ZNF516: variants seen among roughly 807,000 people sequenced by gnomAD.
ZNF516 encodes the protein zinc finger protein 516.
ZNF516 carries 19 observed loss-of-function variants against 79.7 expected under a neutral mutation model. That is an observed-to-expected ratio of 0.24 (90% CI 0.17 to 0.35). The LOEUF is 0.35. Ranked by LOEUF, ZNF516 falls within the 10% of genes least tolerant of loss-of-function variation. ZNF516 has a pLI of 1.00. For synonymous variants in ZNF516, 877 were observed against 739.5 expected, an observed-to-expected ratio of 1.19 and a Z score of -3.02; for missense variants, 1,678 against 1,679.5, an observed-to-expected ratio of 1.00 and a Z score of 0.02.
chr18:76,491,655 A>ACAAGCGG, intron 1 of ZNF516: 1 of 688,056 alleles, frequency 1.5e-6, no homozygotes, highest in Non-Finnish European at 1.8e-6. Context: ...CAGCCCAGCA[A>ACAAGCGG]CAAGCGGCCA....
Position 76,442,569 on chromosome 18 carries a change from C to T in ZNF516, c.486G>A (p.Gly162=), listed in dbSNP as rs1186800959. 2 of 1,598,378 alleles carry T rather than the reference C, an allele frequency of 1.3e-6. No homozygotes were observed. The highest frequency in any genetic ancestry group is 1.7e-6 in the Non-Finnish European group (2 of 1,179,290). ...TGGCCTCCCCCGGGGCGCATGCGGA[C>T]CCCTCTGCCCCCTTCTTGCTGCTCC... ...LLRSSKKGAE[G]SACAPGEAKA... Residue 162 remains glycine, a synonymous_variant, in exon 3 of 7, where the codon GGG becomes GGA. Transcript: ENST00000443185.
intron 3 of ZNF516, among the ~76,000 whole-genome samples, chr18:76,425,342 C>T (rs1461787494): frequency 6.6e-6 from 1 of 152,160 alleles, no homozygotes; most frequent in Non-Finnish European, 1.5e-5. Flanking sequence ...TGGTGATTGG[C>T]CACGGATTTT....
At chr18:76,475,841 G>A (rs888332921) in intron 1 of ZNF516, among the ~76,000 whole-genome samples, 1 of 152,122 alleles carries the variant, frequency 6.6e-6, no homozygotes, top group Non-Finnish European at 1.5e-5. Flanking sequence ...ACAGAACATT[G>A]TACCATTTTA....
At chr18:76,410,315 T>A (rs2075359189) in intron 3 of ZNF516, among the ~76,000 whole-genome samples, 1 of 152,188 alleles carries the variant, frequency 6.6e-6, no homozygotes, top group East Asian at 1.9e-4. Context: ...AGCTTCCTGA[T>A]TCTCGGGTCA....
chr18:76,408,884 G>C (rs2075335950), intron 3 of ZNF516, among the ~76,000 whole-genome samples: 1 of 152,158 alleles, frequency 6.6e-6, no homozygotes, highest in Non-Finnish European at 1.5e-5. Flanking sequence ...CATGAAGCTG[G>C]GCTCAGGACA....
At chr18:76,401,553 C>T (rs1033710313) in intron 3 of ZNF516, among the ~76,000 whole-genome samples, 13 of 152,074 alleles carry the variant, frequency 8.5e-5, no homozygotes, top group Admixed American at 6.5e-4. Context: ...TCCCTCTCCG[C>T]CCACGGGCTT....
intron 3 of ZNF516, among the ~76,000 whole-genome samples, chr18:76,384,839 C>T (rs1234372677): frequency 6.6e-6 from 1 of 152,212 alleles, no homozygotes; most frequent in Non-Finnish European, 1.5e-5. Context: ...GCAGTGCTCA[C>T]CGGGCACTTT....
chr18:76,427,385 G>A (rs887601069), intron 3 of ZNF516, among the ~76,000 whole-genome samples: 6 of 152,178 alleles, frequency 3.9e-5, no homozygotes, highest in Admixed American at 1.3e-4. Flanking sequence ...CAAATCAGTG[G>A]AGAAAACATA....
intron 1 of ZNF516, chr18:76,491,205 C>G: frequency 1.3e-6 from 1 of 740,764 alleles, no homozygotes; most frequent in Non-Finnish European, 1.6e-6. Flanking sequence ...CACGCCGCCG[C>G]GCGGACCCCC....
chr18:76,411,566 TA>T (rs2075372362), intron 3 of ZNF516, among the ~76,000 whole-genome samples: 1 of 152,104 alleles, frequency 6.6e-6, no homozygotes. Flanking sequence ...ATTAAAACTA[TA>T]AAATACTTAA....
chr18:76,478,616 A>T (rs1354316627), intron 1 of ZNF516, among the ~76,000 whole-genome samples: 4 of 152,252 alleles, frequency 2.6e-5, no homozygotes, highest in Non-Finnish European at 5.9e-5. Context: ...GAATATATAT[A>T]CATTCATGAT....
chr18:76,495,795 G>C (rs769846092), upstream of ZNF516: 9 of 1,105,358 alleles, frequency 8.1e-6, no homozygotes, highest in South Asian at 1.6e-4. Context: ...AGGTGCGTGT[G>C]CATTACACAC....
intron 2 of ZNF516, among the ~76,000 whole-genome samples, chr18:76,446,085 C>T (rs1912032511): frequency 7.0e-6 from 1 of 141,890 alleles, no homozygotes; most frequent in Non-Finnish European, 1.6e-5. Context: ...AGCCCTCATG[C>T]TCCCAGTCAC....
chr18:76,407,436 G>C (rs894678247), intron 3 of ZNF516, among the ~76,000 whole-genome samples: 6 of 152,116 alleles, frequency 3.9e-5, no homozygotes, highest in Non-Finnish European at 5.9e-5. Context: ...AAAGAAGAGG[G>C]GGGGAGTGGA....
chr18:76,388,612 G>A (rs1369858050), intron 3 of ZNF516: 1 of 152,256 alleles, frequency 6.6e-6, no homozygotes, highest in Non-Finnish European at 1.5e-5. Context: ...TATTGGAGCA[G>A]GGCTGACACT....
rs9948381 is a variant in ZNF516, at chr18:76,441,604, G to A, written c.1451C>T (p.Pro484Leu). Reference sequence around the variant, plus strand: ...GTGGCCGGCGGGCGCGGGGTCCCCAGGCCCGCTCGCGCGCTTCCGCGGGGG... The same window carrying A: ...GTGGCCGGCGGGCGCGGGGTCCCCAAGCCCGCTCGCGCGCTTCCGCGGGGG... The part of the protein sequence containing the change: ...QGPPRKRASG[P>L]GDPAPAGHLD... Residue 484 changes from proline to leucine, a missense_variant, in exon 3 of 7, where the codon CCT becomes CTT. By Grantham distance (98) the Pro-to-Leu change is moderately conservative. Transcript: ENST00000443185. The A allele has an allele frequency of 0.024, 35,097 of 1,478,462 alleles. 502 individuals are homozygous for A. Among genetic ancestry groups the A allele is most frequent in the South Asian group, 0.035 (2,703 of 76,352 alleles). The allele number at this position is 1,478,462 out of a possible 1,614,324, so 91.6% of individuals were successfully genotyped here.
Position 76,467,502 on chromosome 18 carries a change from T to A in ZNF516, c.-271-4361A>T, listed in dbSNP as rs1039237720. 3.3e-5 allele frequency among the ~76,000 whole-genome samples: 5 copies of A among 152,132 alleles called. 1 individual carries two copies. The highest frequency in any genetic ancestry group is 3.3e-4 in the Admixed American group (5 of 15,280). Reference sequence around the variant, plus strand: ...GCACACCTCGGGGGCAGTGCTGGAATTACAGCATCCACAGGTGCTGGGCTT... The same window carrying A: ...GCACACCTCGGGGGCAGTGCTGGAAATACAGCATCCACAGGTGCTGGGCTT... On this transcript the variant is annotated intron_variant, in intron 1 of 6. Coordinates refer to ENST00000443185, the MANE Select transcript of ZNF516 (RefSeq NM_014643.4). This position sits in a 1 kb window ranked among gnomAD's most constrained non-coding sequence, Gnocchi z 4.2.
chr18:76,467,219 GCT>G lies in ZNF516; in HGVS notation c.-271-4080_-271-4079del. On this transcript the variant is annotated intron_variant, in intron 1 of 6. Coordinates refer to ENST00000443185, the MANE Select transcript of ZNF516 (RefSeq NM_014643.4). This position sits in a 1 kb window ranked among gnomAD's most constrained non-coding sequence, Gnocchi z 4.2. ...AACCTGCAGCTCACAGCCCCTCTGG[GCT>G]GGCAGGAAGTCCTGCGTGTCTCTCG... 1.8e-4 allele frequency among the ~76,000 whole-genome samples: 2 copies of G among 11,054 alleles called. No individual in the cohort carries two copies. Among genetic ancestry groups the G allele is most frequent in the African/African-American group, 3.1e-4 (2 of 6,554 alleles). 7.3% of individuals were successfully genotyped at this position (11,054 alleles called of 152,430 possible). A position where few individuals can be genotyped will look rare whatever the true frequency, so the allele number is the denominator to read the frequency against.
rs1348342985 is a variant in ZNF516 at position 76,402,161 on chromosome 18, A to G, written c.1811-21858T>C. Among the ~76,000 whole-genome samples, 3 of 152,168 alleles carry G rather than the reference A, an allele frequency of 2.0e-5. No homozygotes were observed. In the East Asian group the frequency reaches 5.8e-4, roughly 29 times the overall value. On this transcript the variant is annotated intron_variant, in intron 3 of 6. Transcript: ENST00000443185. The stretch of plus-strand genomic sequence containing the variant: ...TTTGCTGAAGACATCGCCTCGGTCA[A>G]CACCAATGAATTCATTTACTCTGTG...
Sources: allele counts gnomAD v4.1 joint callset (sites outside exome capture counted in the v4.1 genomes callset), GRCh38; gene constraint gnomAD v4.1.1; non-coding constraint Gnocchi (gnomAD v3.1); transcripts MANE v1.5; gene names NCBI Gene and HGNC (gene_info 2026-07-23, HGNC 2026-07-21).